Variants in ATF1 observed in about 807,000 individuals in gnomAD.
ATF1 encodes cyclic AMP-dependent transcription factor ATF-1.
Under a neutral mutation model 34.7 loss-of-function variants are expected in ATF1, and 16 were observed. The observed-to-expected ratio is 0.46, with a 90% CI of 0.31 to 0.70. The LOEUF is 0.70. ATF1 is among the 30% of genes least tolerant of loss of function. The probability of loss-of-function intolerance (pLI) is 0.05; values close to 1 mark genes in which losing one functional copy is unlikely to be tolerated. For missense variants in ATF1, 255 were observed against 321.6 expected, an observed-to-expected ratio of 0.79 and a Z score of 1.58; for synonymous variants, 105 against 113.1, an observed-to-expected ratio of 0.93 and a Z score of 0.46.
chr12:50,788,511 G>A (rs1941235251), intron 2 of ATF1, among the ~76,000 whole-genome samples: 1 of 151,088 alleles, frequency 6.6e-6, no homozygotes, highest in Non-Finnish European at 1.5e-5. Context: ...TGGAAACCGA[G>A]TATTATTCTG....
chr12:50,788,103 A>G (rs1219423622), intron 2 of ATF1: 1 of 396,630 alleles, frequency 2.5e-6, no homozygotes, highest in African/African-American at 2.1e-5. Flanking sequence ...ATTGGAAATC[A>G]GAATGAGTGA....
At chr12:50,773,735 G>A (rs929549035) in intron 1 of ATF1, among the ~76,000 whole-genome samples, 1 of 151,800 alleles carries the variant, frequency 6.6e-6, no homozygotes, top group Non-Finnish European at 1.5e-5. Context: ...GACTACAGGT[G>A]CCCACCACCA....
chr12:50,773,069 T>C (rs1940817311), intron 1 of ATF1, among the ~76,000 whole-genome samples: 1 of 152,222 alleles, frequency 6.6e-6, no homozygotes, highest in South Asian at 2.1e-4. Flanking sequence ...AGCTTCCAGC[T>C]CCATCCATGA....
chr12:50,763,695 C>T (rs1242576940), upstream of ATF1: 4 of 145,948 alleles, frequency 2.7e-5, no homozygotes, highest in African/African-American at 1.0e-4. Context: ...CTCTTCATTT[C>T]TCCTTCCAAG....
intron 4 of ATF1, among the ~76,000 whole-genome samples, chr12:50,812,924 C>T (rs149153797): frequency 1.4e-4 from 22 of 151,882 alleles, no homozygotes; most frequent in African/African-American, 3.6e-4. Flanking sequence ...ATTATGAATG[C>T]GTGAAAAAAA....
intron 3 of ATF1, among the ~76,000 whole-genome samples, chr12:50,802,608 C>T (rs1253706549): frequency 6.6e-6 from 1 of 151,948 alleles, no homozygotes; most frequent in African/African-American, 2.4e-5. Flanking sequence ...AGCGGTGGCT[C>T]ACATCTGTAA....
At position 50,792,088 on chromosome 12, in the gene ATF1, C is replaced by T. The variant is rs570989859; in HGVS notation, c.94-3821C>T. Among the ~76,000 whole-genome samples, 4 of 152,284 alleles carry T rather than the reference C, an allele frequency of 2.6e-5. No homozygotes were observed. The East Asian group carries it at 5.8e-4, about 22-fold the overall frequency. ...TAAAATACCTTCCAGTCCCCTAACTCCTGCCCCTCCATACATACCCTCAGG... is the reference window on the plus strand; with the variant it reads ...TAAAATACCTTCCAGTCCCCTAACTTCTGCCCCTCCATACATACCCTCAGG... On this transcript the variant is annotated intron_variant, in intron 2 of 6. Coordinates refer to ENST00000262053, the MANE Select transcript of ATF1 (RefSeq NM_005171.5).
At chr12:50,794,636 C>T (rs866926081) in intron 2 of ATF1, among the ~76,000 whole-genome samples, 17 of 151,336 alleles carry the variant, frequency 1.1e-4, no homozygotes, top group Admixed American at 5.3e-4. Context: ...AGTTTTAATA[C>T]GCTTAAAAAA....
intron 3 of ATF1, among the ~76,000 whole-genome samples, chr12:50,804,795 A>G (rs947778507): frequency 9.9e-5 from 15 of 152,078 alleles, no homozygotes; most frequent in Non-Finnish European, 1.9e-4. Flanking sequence ...AGATGATATC[A>G]GAAGCCAACA....
At chr12:50,780,613 G>A (rs1395528959) in intron 2 of ATF1, among the ~76,000 whole-genome samples, 1 of 150,950 alleles carries the variant, frequency 6.6e-6, no homozygotes, top group African/African-American at 2.4e-5. Flanking sequence ...CCAAAATGCT[G>A]GGATTACAGG....
In ATF1 at chr12:50,820,235, C is replaced by A. The variant is rs1941923436; in HGVS notation, c.*456C>A. 5.0e-6 allele frequency: 1 copy of A among 200,270 alleles called. No homozygotes were observed. Among genetic ancestry groups the A allele is most frequent in the Non-Finnish European group, 1.0e-5 (1 of 97,500 alleles). 12.4% of individuals were successfully genotyped at this position (200,270 alleles called of 1,614,324 possible). A position where few individuals can be genotyped will look rare whatever the true frequency, so the allele number is the denominator to read the frequency against. On this transcript the variant is annotated 3_prime_UTR_variant, in exon 7 of 7. Transcript: ENST00000262053. The stretch of plus-strand genomic sequence containing the variant: ...CTAAATTACAAAGGTAAGAGAAAAC[C>A]TAGTACATTACTAAATATATAAAGT...
In ATF1 at chr12:50,779,550, C is replaced by CT. The variant is rs199952392; in HGVS notation, c.-6-576dup. On this transcript the variant is annotated intron_variant, in intron 1 of 6. Coordinates refer to ENST00000262053, the MANE Select transcript of ATF1 (RefSeq NM_005171.5). ...ATAAGCTTTCTGGCTAGCCCTCTCT[C>CT]TTTTTTTTTTTTTTGGCCTTTCCAG... Among the ~76,000 whole-genome samples the CT allele has an allele frequency of 8.0e-3, 1,117 of 139,464 alleles. 6 individuals are homozygous for CT. The highest frequency in any genetic ancestry group is 0.018 in the East Asian group (85 of 4,800). 91.5% of individuals were successfully genotyped at this position (139,464 alleles called of 152,430 possible). A position where few individuals can be genotyped will look rare whatever the true frequency, so the allele number is the denominator to read the frequency against.
At chr12:50,772,329 T>C (rs1940793373) in intron 1 of ATF1, among the ~76,000 whole-genome samples, 1 of 151,238 alleles carries the variant, frequency 6.6e-6, no homozygotes, top group South Asian at 2.1e-4. Flanking sequence ...TTTTTTTTTT[T>C]TTTTTTTCTT....
intron 1 of ATF1, among the ~76,000 whole-genome samples, chr12:50,774,393 T>C (rs1478402661): frequency 6.6e-6 from 1 of 152,170 alleles, no homozygotes; most frequent in Non-Finnish European, 1.5e-5. Context: ...CAGCAAGATC[T>C]CAGCCCACCA....
At chr12:50,796,141 TA>T in intron 3 of ATF1, 132 bp downstream of exon 3, 1 of 737,740 alleles carries the variant, frequency 1.4e-6, no homozygotes, top group Non-Finnish European at 2.1e-6. Flanking sequence ...CCCTCGCCTA[TA>T]ATCCCAACCC....
intron 2 of ATF1, among the ~76,000 whole-genome samples, chr12:50,786,907 A>G (rs1941196535): frequency 6.6e-6 from 1 of 152,158 alleles, no homozygotes; most frequent in African/African-American, 2.4e-5. Flanking sequence ...GCAGATGCAG[A>G]GATGAAGCCT....
At position 50,775,931 on chromosome 12, in the gene ATF1, G is replaced by A. The variant is rs539184930; in HGVS notation, c.-6-4209G>A. ...ACTGAATTGGCCAGTGTGGCTGATGGCCTGTAATCGCAACACTTTAGGAGG... is the reference window on the plus strand; with the variant it reads ...ACTGAATTGGCCAGTGTGGCTGATGACCTGTAATCGCAACACTTTAGGAGG... On this transcript the variant is annotated intron_variant, in intron 1 of 6. Coordinates refer to ENST00000262053, the MANE Select transcript of ATF1 (RefSeq NM_005171.5). Among the ~76,000 whole-genome samples, 4 of 152,254 alleles carry A rather than the reference G, an allele frequency of 2.6e-5. No homozygotes were observed. The East Asian group carries it at 7.7e-4, about 29-fold the overall frequency.
chr12:50,768,737 T>C (rs1592163054), intron 1 of ATF1, among the ~76,000 whole-genome samples: 3 of 152,250 alleles, frequency 2.0e-5, no homozygotes, highest in African/African-American at 7.2e-5. Context: ...CATGTAACTT[T>C]AGTAATCTTT....
chr12:50,797,998 A>T (rs10747593), intron 3 of ATF1, among the ~76,000 whole-genome samples: 140,332 of 151,684 alleles, frequency 0.93, 65,342 homozygotes, highest in Non-Finnish European at 0.98. Context: ...GCCAACATGG[A>T]GAAACCCTAT....
Sources: allele counts gnomAD v4.1 joint callset (sites outside exome capture counted in the v4.1 genomes callset), GRCh38; gene constraint gnomAD v4.1.1; transcripts MANE v1.5; gene names NCBI Gene and HGNC (gene_info 2026-07-23, HGNC 2026-07-21).